CENPW: variants seen among roughly 807,000 people sequenced by gnomAD.
The protein encoded by CENPW is cancer-up-regulated gene 2 protein.
CENPW carries 3 observed loss-of-function variants against 11.1 expected under a neutral mutation model. The observed-to-expected ratio is 0.27, with a 90% confidence interval of 0.12 to 0.70. The LOEUF (loss-of-function observed/expected upper bound fraction) is 0.70. CENPW is among the 30% of genes least tolerant of loss of function. The pLI is 0.77. For synonymous variants in CENPW, 38 were observed against 42.0 expected, an observed-to-expected ratio of 0.91 and a Z score of 0.37; for missense variants, 100 against 105.6, an observed-to-expected ratio of 0.95 and a Z score of 0.23.
the CENPW span, among the ~76,000 whole-genome samples, chr6:126,383,277 C>T: frequency 2.0e-5 from 3 of 152,076 alleles, no homozygotes; most frequent in Non-Finnish European, 4.4e-5. Context: ...TGAAGAAGTA[C>T]TAAATATGAA....
the CENPW span, among the ~76,000 whole-genome samples, chr6:126,414,243 T>G: frequency 2.0e-5 from 3 of 152,092 alleles, no homozygotes; most frequent in African/African-American, 7.2e-5. Context: ...CACTCACAGC[T>G]TTGGATAGAT....
At chr6:126,457,401 G>A in the CENPW span, among the ~76,000 whole-genome samples, 9 of 151,376 alleles carry the variant, frequency 5.9e-5, no homozygotes, top group East Asian at 1.9e-4. Flanking sequence ...ACGAGATCAC[G>A]TCTTTGCAGC....
At chr6:126,461,885 T>C in the CENPW span, among the ~76,000 whole-genome samples, 1,051 of 152,060 alleles carry the variant, frequency 6.9e-3, 12 homozygotes, top group African/African-American at 0.024. Flanking sequence ...TCTCTAAGGT[T>C]TCTAGTGGTA....
the CENPW span, among the ~76,000 whole-genome samples, chr6:126,376,909 C>T: frequency 3.3e-5 from 5 of 152,032 alleles, no homozygotes; most frequent in South Asian, 2.1e-4. Context: ...GTAGGTATGT[C>T]GGTTTTCATT....
the CENPW span, among the ~76,000 whole-genome samples, chr6:126,461,334 G>C: frequency 1.6e-4 from 24 of 151,824 alleles, 1 homozygote; most frequent in Non-Finnish European, 1.5e-5. Flanking sequence ...TCCTTCTTTT[G>C]TAAATTGCTC....
At chr6:126,417,556 G>A in the CENPW span, among the ~76,000 whole-genome samples, 1 of 152,136 alleles carries the variant, frequency 6.6e-6, no homozygotes, top group Non-Finnish European at 1.5e-5. Flanking sequence ...CAAATAATGG[G>A]TGTGGGTCTT....
chr6:126,345,072 C>A (rs1285490513), intron 1 of CENPW, among the ~76,000 whole-genome samples: 1 of 151,878 alleles, frequency 6.6e-6, no homozygotes, highest in Non-Finnish European at 1.5e-5. Context: ...ACATATGATT[C>A]TTGAGTGGAG....
chr6:126,470,151 T>TCC, the CENPW span, among the ~76,000 whole-genome samples: 1 of 152,212 alleles, frequency 6.6e-6, no homozygotes, highest in Admixed American at 6.5e-5. Flanking sequence ...AGGCAGCTCC[T>TCC]CCCATCACAG....
chr6:126,458,142 T>C, the CENPW span, among the ~76,000 whole-genome samples: 1 of 151,418 alleles, frequency 6.6e-6, no homozygotes, highest in Non-Finnish European at 1.5e-5. Context: ...TCGCTTGTTT[T>C]ACTTTCCTCT....
At chr6:126,428,181 CAT>C in the CENPW span, among the ~76,000 whole-genome samples, 1 of 152,208 alleles carries the variant, frequency 6.6e-6, no homozygotes, top group East Asian at 1.9e-4. Flanking sequence ...CACATATCCA[CAT>C]ATATTACACA....
chr6:126,420,826 G>T, the CENPW span, among the ~76,000 whole-genome samples: 1 of 152,148 alleles, frequency 6.6e-6, no homozygotes, highest in Non-Finnish European at 1.5e-5. Context: ...CATCACCATG[G>T]TTGAAGGCCA....
At chr6:126,346,626 A>T (rs1780415987) in intron 2 of CENPW, among the ~76,000 whole-genome samples, 1 of 152,162 alleles carries the variant, frequency 6.6e-6, no homozygotes, top group South Asian at 2.1e-4. Context: ...TTGATCTTTT[A>T]AAATTATCCT....
chr6:126,356,063 C>G, the CENPW span, among the ~76,000 whole-genome samples: 3 of 152,110 alleles, frequency 2.0e-5, no homozygotes, highest in African/African-American at 7.2e-5. Context: ...CTGTCACAAA[C>G]TACACTTAGG....
chr6:126,341,650 C>T (rs193244502), intron 1 of CENPW, among the ~76,000 whole-genome samples: 2 of 152,154 alleles, frequency 1.3e-5, no homozygotes, highest in African/African-American at 4.8e-5. Flanking sequence ...CTATCCCATG[C>T]TGGTGATAGA....
chr6:126,353,190 C>A (rs1780511024), downstream of CENPW, among the ~76,000 whole-genome samples: 2 of 150,388 alleles, frequency 1.3e-5, no homozygotes, highest in Admixed American at 1.3e-4. Context: ...CTTTGCTGAT[C>A]ATTTCTTTAA....
At chr6:126,431,590 G>C in the CENPW span, among the ~76,000 whole-genome samples, 1 of 152,098 alleles carries the variant, frequency 6.6e-6, no homozygotes, top group Non-Finnish European at 1.5e-5. Flanking sequence ...CAAACAATCC[G>C]TTATTATGAA....
At chr6:126,419,728 C>T in the CENPW span, among the ~76,000 whole-genome samples, 1 of 152,140 alleles carries the variant, frequency 6.6e-6, no homozygotes, top group South Asian at 2.1e-4. Context: ...CATTTCCTTG[C>T]CTTTTCTACC....
At chr6:126,361,121 CTG>C in the CENPW span, among the ~76,000 whole-genome samples, 2 of 152,096 alleles carry the variant, frequency 1.3e-5, no homozygotes, top group South Asian at 2.1e-4. Context: ...GGTCATGACT[CTG>C]TATGGGATTT....
the CENPW span, among the ~76,000 whole-genome samples, chr6:126,433,799 T>TG: frequency 6.6e-6 from 1 of 152,096 alleles, no homozygotes; most frequent in African/African-American, 2.4e-5. Flanking sequence ...GTCTTGATTA[T>TG]GGGGGTTATG....
Sources: allele counts gnomAD v4.1 joint callset (sites outside exome capture counted in the v4.1 genomes callset), GRCh38; gene constraint gnomAD v4.1.1; transcripts MANE v1.5; gene names NCBI Gene and HGNC (gene_info 2026-07-23, HGNC 2026-07-21).